The following DENND1A variants were observed in gnomAD, a reference collection of about 807,000 sequenced individuals.
DENND1A encodes the protein DENN domain-containing protein 1A.
A neutral mutation model predicts 113.7 loss-of-function variants in DENND1A; 51 were observed. That is an observed-to-expected ratio of 0.45 (90% CI 0.36 to 0.57). The LOEUF (loss-of-function observed/expected upper bound fraction) is 0.57. Ranked by LOEUF, DENND1A falls within the 20% of genes least tolerant of loss-of-function variation. The probability of loss-of-function intolerance (pLI) is 0.00; values close to 1 mark genes in which losing one functional copy is unlikely to be tolerated. For synonymous variants in DENND1A, 565 were observed against 570.8 expected, an observed-to-expected ratio of 0.99 and a Z score of 0.14; for missense variants, 1,258 against 1,395.9, an observed-to-expected ratio of 0.90 and a Z score of 1.57.
intron 11 of DENND1A, among the ~76,000 whole-genome samples, chr9:123,598,128 T>C (rs2137274238): frequency 6.6e-6 from 1 of 152,306 alleles, no homozygotes; most frequent in Non-Finnish European, 1.5e-5. Context: ...CTCCTGGGCA[T>C]CTTCCCTCTC....
At chr9:123,538,855 T>TATATATACACAC (rs1564676522) in intron 13 of DENND1A, among the ~76,000 whole-genome samples, 1 of 101,288 alleles carries the variant, frequency 9.9e-6, no homozygotes, top group Non-Finnish European at 2.0e-5. Flanking sequence ...TATATATATA[T>TATATATACACAC]ATATGAATTC....
chr9:123,638,402 A>G (rs1404452394), intron 9 of DENND1A, among the ~76,000 whole-genome samples: 2 of 152,224 alleles, frequency 1.3e-5, no homozygotes, highest in African/African-American at 4.8e-5. Context: ...CCTCCAAGCC[A>G]TATCTGTGAC....
chr9:123,557,830 A>T, intron 12 of DENND1A, 135 bp from the exon 13 acceptor site: 1 of 1,060,050 alleles, frequency 9.4e-7, no homozygotes, highest in Non-Finnish European at 1.3e-6. Context: ...TACTGGGAGG[A>T]CAAAAACGTG....
chr9:123,892,136 G>T (rs374656274), intron 1 of DENND1A, among the ~76,000 whole-genome samples: 3 of 152,214 alleles, frequency 2.0e-5, no homozygotes, highest in African/African-American at 7.2e-5. Context: ...ATTAGCATGT[G>T]TATGTGAGGA....
intron 5 of DENND1A, among the ~76,000 whole-genome samples, chr9:123,744,095 C>T (rs2069259253): frequency 6.6e-6 from 1 of 152,278 alleles, no homozygotes; most frequent in Non-Finnish European, 1.5e-5. Flanking sequence ...AATTATTGTG[C>T]AGTGAATATT....
Position 123,570,634 on chromosome 9 carries a change from C to T in DENND1A, c.867+12535G>A, listed in dbSNP as rs140613311. Among the ~76,000 whole-genome samples, 275 of 152,280 alleles carry T rather than the reference C, an allele frequency of 1.8e-3. 2 individuals carry two copies. The highest frequency in any genetic ancestry group is 6.3e-3 in the African/African-American group (260 of 41,556). On this transcript the variant is annotated intron_variant, in intron 12 of 23. Transcript: ENST00000394215. ...CTTAATCACCTCCATACTCATTATA[C>T]CCAATATAAAGCCTAGCACATAGTA...
intron 5 of DENND1A, among the ~76,000 whole-genome samples, chr9:123,738,310 G>A (rs2068721766): frequency 6.6e-6 from 1 of 152,082 alleles, no homozygotes; most frequent in African/African-American, 2.4e-5. Context: ...GCTGCACACT[G>A]CTGACATCTG....
At chr9:123,696,620 AAGG>A (rs1329365081) in intron 5 of DENND1A, among the ~76,000 whole-genome samples, 1 of 151,968 alleles carries the variant, frequency 6.6e-6, no homozygotes, top group Non-Finnish European at 1.5e-5. Flanking sequence ...ACAGGGCACA[AAGG>A]AGGAGACAGA....
At chr9:123,627,791 G>A (rs1487085447) in intron 10 of DENND1A, among the ~76,000 whole-genome samples, 7 of 151,074 alleles carry the variant, frequency 4.6e-5, no homozygotes, top group African/African-American at 1.7e-4. Context: ...GAGAGAGAGA[G>A]AGAGCAAGCT....
At chr9:123,887,452 G>A (rs1217923364) in intron 1 of DENND1A, among the ~76,000 whole-genome samples, 1 of 152,090 alleles carries the variant, frequency 6.6e-6, no homozygotes, top group Non-Finnish European at 1.5e-5. Context: ...GGGTGGAAGG[G>A]TATTCACGCA....
chr9:123,607,953 C>T (rs1364264829), intron 11 of DENND1A, among the ~76,000 whole-genome samples: 1 of 152,086 alleles, frequency 6.6e-6, no homozygotes. Context: ...AACTCTACAG[C>T]AATTGGCACT....
At chr9:123,769,445 T>C (rs41274356) in intron 4 of DENND1A, 69 bp downstream of exon 4, 35,028 of 1,327,464 alleles carry the variant, frequency 0.026, 574 homozygotes, top group Non-Finnish European at 0.03. Flanking sequence ...AAGAATGGTA[T>C]GGTTTTTATT....
At chr9:123,611,596 AATCCATAATATTTAACTAAATCTT>A (rs1438727604) in intron 10 of DENND1A, among the ~76,000 whole-genome samples, 1 of 152,204 alleles carries the variant, frequency 6.6e-6, no homozygotes, top group African/African-American at 2.4e-5. Context: ...AGAAAGCACA[AATCCATAATATTTAACTAAATCTT>A]ATCACCCTTC....
chr9:123,486,918 G>T (rs965631896), intron 13 of DENND1A, among the ~76,000 whole-genome samples: 1 of 152,156 alleles, frequency 6.6e-6, no homozygotes, highest in Non-Finnish European at 1.5e-5. Context: ...GCGACCCTGG[G>T]AGCCGACTGG....
At chr9:123,876,846 G>A (rs1469793295) in intron 2 of DENND1A, among the ~76,000 whole-genome samples, 1 of 152,132 alleles carries the variant, frequency 6.6e-6, no homozygotes, top group Non-Finnish European at 1.5e-5. Flanking sequence ...TGGGCAATTG[G>A]ATAAAGAAAA....
At chr9:123,485,530 A>G (rs1313488769) in intron 13 of DENND1A, 2 of 152,054 alleles carry the variant, frequency 1.3e-5, no homozygotes, top group East Asian at 3.9e-4. Flanking sequence ...GGCTGCGAGC[A>G]GGGCTCCCCC....
intron 19 of DENND1A, among the ~76,000 whole-genome samples, chr9:123,423,802 A>C (rs910550103): frequency 1.3e-5 from 2 of 152,226 alleles, no homozygotes; most frequent in Non-Finnish European, 2.9e-5. Context: ...AGGCCTAACA[A>C]GAGGCCCGTG....
Position 123,652,115 on chromosome 9 carries a change from C to A in DENND1A, c.516G>T (p.Leu172=). The stretch of plus-strand genomic sequence containing the variant: ...CATCCACAGCCACAAAATATTCTGT[C>A]AGATTTCTCTAGGAGAAAGAAGAAG... ...ELPSIPENRN[L]TEYFVAVDVN... is the part of the protein sequence containing the mutation. Residue 172 remains leucine (L), a synonymous_variant, in exon 9 of 24, where the codon CTG becomes CTT. Transcript: ENST00000394215. 6.2e-7 allele frequency: 1 copy of A among 1,614,060 alleles called. No individual in the cohort carries two copies. Among genetic ancestry groups the A allele is most frequent in the Non-Finnish European group, 8.5e-7 (1 of 1,179,978 alleles).
chr9:123,436,160 G>A (rs2046500826), intron 19 of DENND1A, among the ~76,000 whole-genome samples: 1 of 152,208 alleles, frequency 6.6e-6, no homozygotes, highest in Admixed American at 6.5e-5. Context: ...CCTTGGCTTG[G>A]CCAGGCACCC....
Sources: allele counts gnomAD v4.1 joint callset (sites outside exome capture counted in the v4.1 genomes callset), GRCh38; gene constraint gnomAD v4.1.1; transcripts MANE v1.5; gene names NCBI Gene and HGNC (gene_info 2026-07-23, HGNC 2026-07-21).